The following RYR2 variants were observed in gnomAD, a reference collection of about 807,000 sequenced individuals.
RYR2 encodes the protein ryanodine receptor 2.
In RYR2, 227 loss-of-function variants were observed where a neutral mutation model predicts 601.1. The observed-to-expected ratio is 0.38, with a 90% CI of 0.34 to 0.42. The LOEUF (loss-of-function observed/expected upper bound fraction) is 0.42. RYR2 is among the 10% of genes least tolerant of loss of function. The pLI is 1.00. For missense variants in RYR2, 4,646 were observed against 6,156.5 expected (o/e 0.75, Z 8.21); for synonymous variants, 2,223 against 2,175.1 (o/e 1.02, Z -0.61).
At chr1:237,821,259 C>T (rs1050562260) in intron 101 of RYR2, among the ~76,000 whole-genome samples, 4 of 152,162 alleles carry the variant, frequency 2.6e-5, no homozygotes, top group Non-Finnish European at 5.9e-5. Flanking sequence ...GGCCGACAGA[C>T]ACCTTATACA....
At chr1:237,345,310 T>C (rs2808227) in intron 3 of RYR2, among the ~76,000 whole-genome samples, 22,269 of 151,956 alleles carry the variant, frequency 0.15, 1,792 homozygotes, top group East Asian at 0.34. Flanking sequence ...TCTGTGTACC[T>C]GCCAGTTTTT....
intron 10 of RYR2, among the ~76,000 whole-genome samples, chr1:237,410,460 A>G (rs1704336406): frequency 1.3e-5 from 2 of 151,946 alleles, no homozygotes; most frequent in Non-Finnish European, 2.9e-5. Flanking sequence ...ATGACCAATA[A>G]TATGGGTAGA....
intron 7 of RYR2, 60 bp downstream of exon 7, chr1:237,374,855 G>C: frequency 2.3e-6 from 3 of 1,297,438 alleles, no homozygotes; most frequent in Non-Finnish European, 3.3e-6. Flanking sequence ...GGTTGGATTG[G>C]AAGAAGCCGG....
At chr1:237,541,025 C>A (rs1307204694) in intron 25 of RYR2, among the ~76,000 whole-genome samples, 1 of 152,062 alleles carries the variant, frequency 6.6e-6, no homozygotes, top group African/African-American at 2.4e-5. Context: ...TACATAGACA[C>A]AAGCACATGT....
At position 237,316,670 on chromosome 1, in the gene RYR2, C is replaced by T. The variant is rs573484357; in HGVS notation, c.169-14208C>T. 2.6e-4 allele frequency among the ~76,000 whole-genome samples: 40 copies of T among 152,320 alleles called. No individual in the cohort carries two copies. In the South Asian group the frequency reaches 7.7e-3, roughly 29 times the overall value. ...CCAGTTCCTCCTTTACCCTCAGTGT[C>T]CAGTTAGTTTTCAAATCCATTTTTC... On this transcript the variant is annotated intron_variant, in intron 2 of 104. Coordinates refer to ENST00000366574, the MANE Select transcript of RYR2 (RefSeq NM_001035.3).
At chr1:237,662,997 G>T (rs1042651142) in intron 56 of RYR2, among the ~76,000 whole-genome samples, 3 of 152,160 alleles carry the variant, frequency 2.0e-5, no homozygotes, top group Non-Finnish European at 4.4e-5. Flanking sequence ...TTTGTTGAGA[G>T]CATCTCATTA....
intron 1 of RYR2, among the ~76,000 whole-genome samples, chr1:237,179,971 G>A (rs1487106980): frequency 3.3e-5 from 5 of 152,116 alleles, no homozygotes; most frequent in Admixed American, 3.3e-4. Flanking sequence ...CGCAGAGCAA[G>A]GTTTCAGATT....
chr1:237,470,321 T>C (rs1324317796), intron 17 of RYR2, among the ~76,000 whole-genome samples: 2 of 152,150 alleles, frequency 1.3e-5, no homozygotes, highest in Admixed American at 6.5e-5. Context: ...GACTTTTGCA[T>C]GATAAAGACC....
chr1:237,560,981 G>A (rs1671390704), intron 27 of RYR2, among the ~76,000 whole-genome samples: 1 of 152,156 alleles, frequency 6.6e-6, no homozygotes, highest in African/African-American at 2.4e-5. Context: ...AGTGAAGGTA[G>A]TGAAATTGGA....
intron 1 of RYR2, among the ~76,000 whole-genome samples, chr1:237,049,777 C>G (rs1344053068): frequency 6.6e-6 from 1 of 152,136 alleles, no homozygotes. Flanking sequence ...GAAGAATTCT[C>G]TCATGTCAGT....
chr1:237,327,194 T>C (rs139331095), intron 2 of RYR2, among the ~76,000 whole-genome samples: 14 of 152,180 alleles, frequency 9.2e-5, no homozygotes, highest in Non-Finnish European at 1.9e-4. Flanking sequence ...ATTACATTTG[T>C]GTGTGTAGGG....
intron 1 of RYR2, among the ~76,000 whole-genome samples, chr1:237,256,227 T>C (rs1687962784): frequency 6.6e-6 from 1 of 152,174 alleles, no homozygotes; most frequent in Non-Finnish European, 1.5e-5. Context: ...CCTGCCGCCG[T>C]GTAAGATGTG....
At chr1:237,552,636 A>G (rs922148511) in intron 27 of RYR2, among the ~76,000 whole-genome samples, 1 of 152,034 alleles carries the variant, frequency 6.6e-6, no homozygotes, top group Non-Finnish European at 1.5e-5. Context: ...AATCATTATC[A>G]CGTGTATTTT....
intron 43 of RYR2, 127 bp downstream of exon 43, chr1:237,633,837 T>A: frequency 2.1e-6 from 2 of 940,676 alleles, no homozygotes. Flanking sequence ...AGACAGATAG[T>A]TGGCCAATAG....
In RYR2 at chr1:237,208,968, ATATATATATATATATATG is replaced by A. The variant is rs1388449434; in HGVS notation, c.49-61524_49-61507del. 1.0e-3 allele frequency among the ~76,000 whole-genome samples: 91 copies of A among 88,772 alleles called. 1 individual carries two copies. Among genetic ancestry groups the A allele is most frequent in the African/African-American group, 2.8e-3 (80 of 28,970 alleles). The allele number at this position is 88,772 out of a possible 152,430, so 58.2% of individuals were successfully genotyped here. ...TATATATATATATATATATATATAT[ATATATATATATATATATG>A]TATACTGTAATTGAACTATGATTCA... On this transcript the variant is annotated intron_variant, in intron 1 of 104. Coordinates refer to ENST00000366574, the MANE Select transcript of RYR2 (RefSeq NM_001035.3).
At chr1:237,096,678 A>C (rs1377732993) in intron 1 of RYR2, among the ~76,000 whole-genome samples, 1 of 152,210 alleles carries the variant, frequency 6.6e-6, no homozygotes, top group Admixed American at 6.5e-5. Context: ...CCTTCAGAAA[A>C]AAATTTGAAG....
At chr1:237,582,041 T>G (rs1673966683) in intron 29 of RYR2, among the ~76,000 whole-genome samples, 1 of 152,196 alleles carries the variant, frequency 6.6e-6, no homozygotes, top group African/African-American at 2.4e-5. Context: ...AGGCAAGTGT[T>G]TTTCTGTTTG....
At chr1:237,685,686 G>A (rs764852956) in intron 62 of RYR2, among the ~76,000 whole-genome samples, 3 of 152,166 alleles carry the variant, frequency 2.0e-5, no homozygotes, top group Admixed American at 6.5e-5. Flanking sequence ...AGCACACACA[G>A]CTGTCAGCCA....
At chr1:237,503,948 T>C (rs1431847072) in intron 22 of RYR2, among the ~76,000 whole-genome samples, 1 of 152,192 alleles carries the variant, frequency 6.6e-6, no homozygotes, top group Admixed American at 6.5e-5. Context: ...TCTCAGGTGA[T>C]CCACCCGCTT....
Sources: allele counts gnomAD v4.1 joint callset (sites outside exome capture counted in the v4.1 genomes callset), GRCh38; gene constraint gnomAD v4.1.1; transcripts MANE v1.5; gene names NCBI Gene and HGNC (gene_info 2026-07-23, HGNC 2026-07-21).